Variants in ATF7IP observed in about 807,000 individuals in gnomAD.
The protein encoded by ATF7IP is activating transcription factor 7-interacting protein 1.
Under a neutral mutation model 106.4 loss-of-function variants are expected in ATF7IP, and 23 were observed. The ratio of observed to expected loss-of-function variants is 0.22; its 90% CI spans 0.16 to 0.31. The LOEUF (loss-of-function observed/expected upper bound fraction) is 0.31, where lower values mean the gene tolerates loss of function less well. Among genes scored for constraint, ATF7IP ranks in the 10% least tolerant of loss-of-function variants. ATF7IP has a pLI of 1.00. For missense variants in ATF7IP, 1,334 were observed against 1,524.3 expected (o/e 0.88, Z 2.08); for synonymous variants, 542 against 539.0 (o/e 1.01, Z -0.08).
intron 1 of ATF7IP, among the ~76,000 whole-genome samples, chr12:14,389,488 C>G (rs1318389459): frequency 6.6e-6 from 1 of 152,158 alleles, no homozygotes; most frequent in Non-Finnish European, 1.5e-5. Context: ...CCTAGAGTTT[C>G]CTGTGTTTCA....
At chr12:14,473,358 T>C (rs1001667610) in intron 10 of ATF7IP, among the ~76,000 whole-genome samples, 1 of 151,378 alleles carries the variant, frequency 6.6e-6, no homozygotes, top group African/African-American at 2.4e-5. Flanking sequence ...GTTTACAGTA[T>C]GTATCTAATC....
At chr12:14,435,277 C>G (rs1191390881) in intron 3 of ATF7IP, among the ~76,000 whole-genome samples, 1 of 152,108 alleles carries the variant, frequency 6.6e-6, no homozygotes, top group Non-Finnish European at 1.5e-5. Context: ...CAGTAACTTT[C>G]CTGTCATGCT....
intron 6 of ATF7IP, 149 bp downstream of exon 6, chr12:14,447,202 G>A (rs1362085697): frequency 1.2e-5 from 5 of 413,742 alleles, no homozygotes; most frequent in African/African-American, 8.5e-5. Context: ...TTCAGCCCTA[G>A]AACTAATGAA....
intron 6 of ATF7IP, among the ~76,000 whole-genome samples, chr12:14,448,099 A>T (rs1171760760): frequency 1.3e-5 from 2 of 151,898 alleles, no homozygotes; most frequent in African/African-American, 4.8e-5. Context: ...AACAAGGTCC[A>T]TTTCTTCATC....
At chr12:14,365,900 C>G (rs935781311) in intron 1 of ATF7IP, 73 bp downstream of exon 1, 2 of 152,414 alleles carry the variant, frequency 1.3e-5, no homozygotes, top group Non-Finnish European at 2.9e-5. Flanking sequence ...AGAGTCAAGA[C>G]CGCATTATGG....
intron 2 of ATF7IP, among the ~76,000 whole-genome samples, chr12:14,426,618 G>T (rs1941858710): frequency 6.7e-6 from 1 of 148,462 alleles, no homozygotes; most frequent in Admixed American, 6.8e-5. Flanking sequence ...CTTGAGCTCA[G>T]GAGTTCGAGA....
chr12:14,448,861 T>C (rs1943085898), intron 6 of ATF7IP, among the ~76,000 whole-genome samples: 1 of 152,206 alleles, frequency 6.6e-6, no homozygotes, highest in Non-Finnish European at 1.5e-5. Context: ...ATGTATGTGA[T>C]ACCTCATTGT....
chr12:14,467,016 A>G (rs1451532747), intron 10 of ATF7IP, among the ~76,000 whole-genome samples: 1 of 152,020 alleles, frequency 6.6e-6, no homozygotes, highest in Admixed American at 6.6e-5. Context: ...GGTAATCAGA[A>G]ATACCTTTTG....
chr12:14,424,771 G>T lies in ATF7IP; in HGVS notation c.856G>T (p.Asp286Tyr). Residue 286 changes from aspartate to tyrosine, a missense_variant, in exon 2 of 15, where the codon GAT (aspartate) becomes TAT (tyrosine). Physicochemically the swap from Asp to Tyr is radical, Grantham distance 160. Around this residue, in one of 10 missense-constraint regions of ATF7IP, gnomAD observed 438 missense variants for 405.3 expected, o/e 1.08. Transcript: ENST00000261168. Reference sequence around the variant, plus strand: ...TGAGCTGACTTCTGAATCAACCTTTGATCGTACCTTTGAACCAAAGTCTGT... The same window carrying T: ...TGAGCTGACTTCTGAATCAACCTTTTATCGTACCTTTGAACCAAAGTCTGT... Reference protein sequence around the residue: ...SDELTSESTFDRTFEPKSVPV... With the variant: ...SDELTSESTFYRTFEPKSVPV... The T allele has an allele frequency of 6.2e-7, 1 of 1,614,098 alleles. No homozygotes were observed. The highest frequency in any genetic ancestry group is 1.1e-5 in the South Asian group (1 of 91,076).
At chr12:14,492,663 A>T (rs1207741905) in intron 13 of ATF7IP, among the ~76,000 whole-genome samples, 1 of 152,188 alleles carries the variant, frequency 6.6e-6, no homozygotes, top group East Asian at 1.9e-4. Context: ...AGCCAATGCC[A>T]GAGATCTATA....
rs548059745 is a variant in ATF7IP, at chr12:14,494,418, A to G, written c.3281-1813A>G. Among the ~76,000 whole-genome samples the G allele has an allele frequency of 2.4e-4, 35 of 143,258 alleles. No individual in the cohort carries two copies. In the South Asian group the frequency reaches 7.5e-3, roughly 31 times the overall value. The allele number at this position is 143,258 out of a possible 152,430, so 94.0% of individuals were successfully genotyped here. A position where few individuals can be genotyped will look rare whatever the true frequency, so the allele number is the denominator to read the frequency against. On this transcript the variant is annotated intron_variant, in intron 13 of 14. Coordinates refer to ENST00000261168, the MANE Select transcript of ATF7IP (RefSeq NM_018179.5). Reference sequence around the variant, plus strand: ...TATACTATATATAAACTAATAGGATATATATATTTTATATATTATATATGT... The same window carrying G: ...TATACTATATATAAACTAATAGGATGTATATATTTTATATATTATATATGT...
chr12:14,441,812 C>T (rs147005498), intron 5 of ATF7IP, among the ~76,000 whole-genome samples: 5 of 152,112 alleles, frequency 3.3e-5, no homozygotes, highest in Non-Finnish European at 5.9e-5. Flanking sequence ...TCACCGCACC[C>T]GGCCCAGGAT....
Position 14,480,925 on chromosome 12 carries a change from A to G in ATF7IP, c.3098-78A>G, listed in dbSNP as rs991294811. On this transcript the variant is annotated intron_variant, in intron 12 of 14. Coordinates refer to ENST00000261168, the MANE Select transcript of ATF7IP (RefSeq NM_018179.5). ...TTATTAGTTAATTAGATTTTATGCA[A>G]AGATAACTGCCATTTAATACTGTTT... The G allele has an allele frequency of 8.5e-6, 11 of 1,289,162 alleles. No homozygotes were observed. In the African/African-American group the frequency reaches 8.9e-5, roughly 10 times the overall value. The allele number at this position is 1,289,162 out of a possible 1,614,324, so 79.9% of individuals were successfully genotyped here.
At chr12:14,457,467 A>AG (rs1279057325) in intron 8 of ATF7IP, among the ~76,000 whole-genome samples, 172 bp downstream of exon 8, 2 of 152,194 alleles carry the variant, frequency 1.3e-5, no homozygotes, top group African/African-American at 4.8e-5. Context: ...GCACATGCTT[A>AG]TAGTCTCAGC....
rs1555142229 is a variant in ATF7IP at position 14,494,343 on chromosome 12, G to GTA, written c.3281-1884_3281-1883dup. ...TATATATATATATATATGTGTGTGT[G>GTA]TATATGTATATATACACATATGTTT... On this transcript the variant is annotated intron_variant, in intron 13 of 14. Coordinates refer to ENST00000261168, the MANE Select transcript of ATF7IP (RefSeq NM_018179.5). Among the ~76,000 whole-genome samples the GTA allele has an allele frequency of 7.2e-5, 8 of 110,614 alleles. 1 individual carries two copies. The highest frequency in any genetic ancestry group is 1.0e-4 in the African/African-American group (3 of 29,674). The allele number at this position is 110,614 out of a possible 152,430, so 72.6% of individuals were successfully genotyped here. A position where few individuals can be genotyped will look rare whatever the true frequency, so the allele number is the denominator to read the frequency against.
intron 1 of ATF7IP, among the ~76,000 whole-genome samples, chr12:14,417,186 T>C (rs1288835918): frequency 6.6e-6 from 1 of 152,190 alleles, no homozygotes; most frequent in Non-Finnish European, 1.5e-5. Flanking sequence ...ATTTGTTTTA[T>C]AATAAAGCTT....
chr12:14,476,068 C>T (rs1361418941), intron 11 of ATF7IP, 100 bp downstream of exon 11: 1 of 894,840 alleles, frequency 1.1e-6, no homozygotes, highest in Non-Finnish European at 1.8e-6. Context: ...TGGCATTATG[C>T]TTGGTTTATT....
intron 1 of ATF7IP, among the ~76,000 whole-genome samples, chr12:14,410,988 A>G (rs764814375): frequency 2.6e-5 from 4 of 152,190 alleles, no homozygotes; most frequent in Non-Finnish European, 5.9e-5. Context: ...ATGATACTCT[A>G]TTGTATGGAT....
intron 9 of ATF7IP, among the ~76,000 whole-genome samples, chr12:14,464,266 A>T (rs1943745650): frequency 6.6e-6 from 1 of 152,252 alleles, no homozygotes; most frequent in African/African-American, 2.4e-5. Context: ...TCAAGGCTGC[A>T]GTGAGCCATG....
Sources: gnomAD v4.1 joint callset for allele counts (sites outside exome capture counted in the v4.1 genomes callset) on GRCh38, gnomAD v4.1.1 for gene constraint, gnomAD v4.1.1 regional missense constraint, MANE v1.5 for transcripts, NCBI Gene and HGNC (gene_info 2026-07-23, HGNC 2026-07-21) for gene names.